The following EMC2 variants were observed in gnomAD, a reference collection of about 807,000 sequenced individuals.
EMC2 encodes TPR repeat protein 35.
EMC2 carries 37 observed loss-of-function variants against 51.6 expected under a neutral mutation model. That is an observed-to-expected ratio of 0.72 (90% CI 0.55 to 0.94). EMC2 has a LOEUF of 0.94. Ranked by LOEUF, EMC2 falls within the 40% of genes least tolerant of loss-of-function variation. The pLI, the probability that EMC2 is intolerant of heterozygous loss-of-function variation, is 0.00. For synonymous variants in EMC2, 131 were observed against 112.4 expected (o/e 1.17, Z -1.04); for missense variants, 359 against 350.9 (o/e 1.02, Z -0.18).
chr8:108,479,785 C>T (rs942984232), intron 10 of EMC2, among the ~76,000 whole-genome samples: 1 of 151,928 alleles, frequency 6.6e-6, no homozygotes, highest in Non-Finnish European at 1.5e-5. Flanking sequence ...TTAATATAGA[C>T]GAGATCTTGC....
intron 5 of EMC2, among the ~76,000 whole-genome samples, chr8:108,468,996 C>T (rs2130385743): frequency 6.6e-6 from 1 of 152,166 alleles, no homozygotes; most frequent in South Asian, 2.1e-4. Context: ...GTGGGACCGT[C>T]TTTGCTTTCT....
At chr8:108,457,321 CGTGTGTGT>C (rs765030855) in intron 5 of EMC2, among the ~76,000 whole-genome samples, 2 of 109,916 alleles carry the variant, frequency 1.8e-5, no homozygotes, top group Admixed American at 9.1e-5. Context: ...TAGGGATGTG[CGTGTGTGT>C]GCGTGTGTGT....
At chr8:108,446,357 A>C (rs1249442595) in intron 1 of EMC2, 1 of 374,380 alleles carries the variant, frequency 2.7e-6, no homozygotes, top group African/African-American at 2.1e-5. Flanking sequence ...AATCTTTAGA[A>C]ATATCTGGTA....
At chr8:108,453,470 C>T (rs895945867) in intron 4 of EMC2, among the ~76,000 whole-genome samples, 10 of 152,006 alleles carry the variant, frequency 6.6e-5, no homozygotes, top group African/African-American at 2.4e-4. Context: ...AATATTTCTC[C>T]CTATTCTCTT....
rs186148151 is a variant in EMC2, at chr8:108,456,443, T to C, written c.363+513T>C. On this transcript the variant is annotated intron_variant, in intron 5 of 10. Coordinates refer to ENST00000220853, the MANE Select transcript of EMC2 (RefSeq NM_014673.5). ...GACTATGTGTTTGCATAAAATATTT[T>C]GAAGTTTATGAAATACTGAATTGTT... Among the ~76,000 whole-genome samples the C allele has an allele frequency of 2.0e-5, 3 of 152,136 alleles. No homozygotes were observed. In the East Asian group the frequency reaches 5.8e-4, roughly 29 times the overall value.
At chr8:108,453,927 T>C (rs903667311) in intron 4 of EMC2, among the ~76,000 whole-genome samples, 5 of 152,140 alleles carry the variant, frequency 3.3e-5, no homozygotes, top group African/African-American at 1.2e-4. Context: ...TAAGGATTGT[T>C]GTGTTTTTCT....
At chr8:108,462,835 C>T (rs975306937) in intron 5 of EMC2, among the ~76,000 whole-genome samples, 3 of 151,254 alleles carry the variant, frequency 2.0e-5, no homozygotes, top group Non-Finnish European at 4.4e-5. Context: ...GCCGGGATTA[C>T]AGGAGTGAGA....
intron 5 of EMC2, among the ~76,000 whole-genome samples, chr8:108,459,751 T>TGTGA (rs1402114105): frequency 6.6e-6 from 1 of 151,820 alleles, no homozygotes; most frequent in Non-Finnish European, 1.5e-5. Flanking sequence ...TGTGTGTGTG[T>TGTGA]GTGATTGTTT....
chr8:108,481,909 A>T (rs942816272), intron 10 of EMC2, among the ~76,000 whole-genome samples: 4 of 152,112 alleles, frequency 2.6e-5, no homozygotes, highest in African/African-American at 9.7e-5. Context: ...TCATTGTATG[A>T]ATGTTATAAT....
chr8:108,465,890 A>G (rs1313642263), intron 5 of EMC2, among the ~76,000 whole-genome samples: 1 of 152,250 alleles, frequency 6.6e-6, no homozygotes, highest in Non-Finnish European at 1.5e-5. Context: ...TTTCTACTTT[A>G]CAACTGAGAA....
chr8:108,485,463 AATATAT>A (rs935981302), intron 10 of EMC2, among the ~76,000 whole-genome samples: 1 of 145,992 alleles, frequency 6.8e-6, no homozygotes. Context: ...ACATATATAT[AATATAT>A]ATAGGTAACA....
At chr8:108,470,005 T>TG in intron 6 of EMC2, 57 bp from the exon 7 acceptor site, 1 of 1,549,958 alleles carries the variant, frequency 6.5e-7, no homozygotes, top group Non-Finnish European at 8.9e-7. Context: ...TTTGTTTTCA[T>TG]GCTGTTCATT....
At chr8:108,456,802 A>G (rs1819173170) in intron 5 of EMC2, among the ~76,000 whole-genome samples, 1 of 152,208 alleles carries the variant, frequency 6.6e-6, no homozygotes, top group African/African-American at 2.4e-5. Flanking sequence ...GAGAGACTTT[A>G]GATAATACAT....
In EMC2 at chr8:108,475,897, CT is replaced by C; in HGVS notation, c.529del (p.Cys177ValfsTer2). The C allele has an allele frequency of 6.3e-7, 1 of 1,596,640 alleles. No individual in the cohort carries two copies. The highest frequency in any genetic ancestry group is 8.5e-7 in the Non-Finnish European group (1 of 1,169,978). ...GTGTTTTTAGCTATGCAAAAGCAGC[CT>C]TTTGTTTAGAGGAACTAATGATGAC... Reference protein sequence around the residue: ...INEHDYAKAAFCLEELMMTNP... With the variant: ...INEHDYAKAAXCLEELMMTNP... On this transcript the variant is annotated frameshift_variant, in exon 8 of 11. Transcript: ENST00000220853. LOFTEE classifies it high-confidence loss of function.
At position 108,488,166 on chromosome 8, in the gene EMC2, CTTTTTTTT is replaced by C. The variant is rs5893921; in HGVS notation, c.*1579_*1586del. On this transcript the variant is annotated 3_prime_UTR_variant, in exon 11 of 11. Transcript: ENST00000220853. ...CTTATAGCTGTCTGCCTTAGTTTCA[CTTTTTTTT>C]TTTTTTTTTTGAGACAGTCTCGTTC... Among the ~76,000 whole-genome samples the C allele has an allele frequency of 1.6e-5, 2 of 127,686 alleles. No individual in the cohort carries two copies. The highest frequency in any genetic ancestry group is 1.5e-4 in the Admixed American group (2 of 12,916). 83.8% of individuals were successfully genotyped at this position (127,686 alleles called of 152,430 possible). A position where few individuals can be genotyped will look rare whatever the true frequency, so the allele number is the denominator to read the frequency against.
At position 108,455,874 on chromosome 8, in the gene EMC2, TATG is replaced by T. The variant is rs1236428617; in HGVS notation, c.314_316del (p.Asp105del). ...ATGTTTCTTTTTCTTTTTAAATAGA[TATG>T]ATGATGCTATACAGCTATATGATAG... is the stretch of plus-strand genomic sequence containing the variant. On this transcript the variant is annotated inframe_deletion and splice_region_variant, in exon 5 of 11. Transcript: ENST00000220853. 2 of 1,148,890 alleles carry T rather than the reference TATG, an allele frequency of 1.7e-6. No homozygotes were observed. Among genetic ancestry groups the T allele is most frequent in the Non-Finnish European group, 2.5e-6 (2 of 804,178 alleles). The allele number at this position is 1,148,890 out of a possible 1,614,324, so 71.2% of individuals were successfully genotyped here. A position where few individuals can be genotyped will look rare whatever the true frequency, so the allele number is the denominator to read the frequency against.
intron 1 of EMC2, chr8:108,446,157 C>T: frequency 4.8e-6 from 1 of 208,412 alleles, no homozygotes; most frequent in Non-Finnish European, 1.0e-5. Context: ...TTTCTTTATC[C>T]TCAGTGCCCA....
At chr8:108,448,603 TC>T (rs1818936627) in intron 1 of EMC2, among the ~76,000 whole-genome samples, 1 of 152,132 alleles carries the variant, frequency 6.6e-6, no homozygotes, top group Non-Finnish European at 1.5e-5. Context: ...TTCCTTCTTG[TC>T]TTCTGCCATC....
In EMC2 at chr8:108,456,139, C is replaced by A. The variant is rs528593260; in HGVS notation, c.363+209C>A. 6.7e-5 allele frequency: 12 copies of A among 179,332 alleles called. No individual in the cohort carries two copies. In the East Asian group the frequency reaches 1.7e-3, roughly 26 times the overall value. The allele number at this position is 179,332 out of a possible 1,614,324, so 11.1% of individuals were successfully genotyped here. On this transcript the variant is annotated intron_variant, in intron 5 of 10. Coordinates refer to ENST00000220853, the MANE Select transcript of EMC2 (RefSeq NM_014673.5). ...CTCTCCAATAAAATTTGACTTCTCA[C>A]CCTCACCAACAGGGTGAAACCCCAT...
Sources: gnomAD v4.1 joint callset for allele counts (sites outside exome capture counted in the v4.1 genomes callset) on GRCh38, gnomAD v4.1.1 for gene constraint, MANE v1.5 for transcripts, NCBI Gene and HGNC (gene_info 2026-07-23, HGNC 2026-07-21) for gene names.